CUX1: variants seen among roughly 807,000 people sequenced by gnomAD.
The protein encoded by CUX1 is protein CASP.
In CUX1, 31 loss-of-function variants were observed where a neutral mutation model predicts 158.8. The observed-to-expected ratio is 0.20, with a 90% CI of 0.15 to 0.26. The LOEUF is 0.26. Among genes scored for constraint, CUX1 ranks in the 10% least tolerant of loss-of-function variants. The probability of loss-of-function intolerance (pLI) is 1.00; values close to 1 mark genes in which losing one functional copy is unlikely to be tolerated. For missense variants in CUX1, 1,589 were observed against 2,014.6 expected (o/e 0.79, Z 4.04); for synonymous variants, 879 against 862.1 (o/e 1.02, Z -0.34).
intron 14 of CUX1, chr7:102,264,826 G>C (rs1790682608): frequency 6.6e-6 from 1 of 152,664 alleles, no homozygotes; most frequent in Non-Finnish European, 1.5e-5. Flanking sequence ...CTGGCAGCCA[G>C]GGAACTTAGA....
At chr7:102,039,902 TGA>T (rs1205644995) in intron 3 of CUX1, among the ~76,000 whole-genome samples, 1 of 152,126 alleles carries the variant, frequency 6.6e-6, no homozygotes, top group African/African-American at 2.4e-5. Flanking sequence ...TGACATGGCC[TGA>T]GGGAGGGACC....
intron 8 of CUX1, among the ~76,000 whole-genome samples, chr7:102,138,034 AATTAGCTGGGCATGGTGGTGCTC>A (rs1450135815): frequency 6.6e-6 from 1 of 151,944 alleles, no homozygotes; most frequent in East Asian, 1.9e-4. Context: ...AAAAGTTAAA[AATTAGCTGGGCATGGTGGTGCTC>A]ACTGTAGTCT....
At chr7:101,929,379 T>A (rs1806032813) in intron 2 of CUX1, among the ~76,000 whole-genome samples, 1 of 152,330 alleles carries the variant, frequency 6.6e-6, no homozygotes, top group East Asian at 1.9e-4. Flanking sequence ...GCTGCTGGAC[T>A]TTCTTTTTTG....
intron 2 of CUX1, among the ~76,000 whole-genome samples, chr7:101,967,593 G>A (rs1043701989): frequency 5.3e-5 from 8 of 152,184 alleles, no homozygotes; most frequent in African/African-American, 9.7e-5. Flanking sequence ...GCATGTATGC[G>A]TCAATGGTGA....
At chr7:101,893,891 A>G (rs1801186840) in intron 1 of CUX1, among the ~76,000 whole-genome samples, 1 of 152,244 alleles carries the variant, frequency 6.6e-6, no homozygotes, top group Non-Finnish European at 1.5e-5. Flanking sequence ...TTTATACGGC[A>G]TTAAAACACT....
chr7:101,953,054 C>G (rs904893004), intron 2 of CUX1, among the ~76,000 whole-genome samples: 2 of 152,192 alleles, frequency 1.3e-5, no homozygotes, highest in African/African-American at 4.8e-5. Context: ...TTCTGGCCGC[C>G]CTGCCCGCTC....
chr7:102,145,288 T>C lies in CUX1; in HGVS notation c.675-13272T>C, dbSNP rs75151662. 2.6e-4 allele frequency among the ~76,000 whole-genome samples: 39 copies of C among 152,050 alleles called. No individual in the cohort carries two copies. The East Asian group carries it at 7.4e-3, about 29-fold the overall frequency. Reference sequence around the variant, plus strand: ...CACCCCACTGCTGAGATTTTACTGATTGCCTCCCCAGAAATAGTTTATCAT... The same window carrying C: ...CACCCCACTGCTGAGATTTTACTGACTGCCTCCCCAGAAATAGTTTATCAT... On this transcript the variant is annotated intron_variant, in intron 8 of 23. Coordinates refer to ENST00000292535, the MANE Select transcript of CUX1 (RefSeq NM_181552.4).
At chr7:102,047,482 T>G (rs1822953538) in intron 3 of CUX1, among the ~76,000 whole-genome samples, 1 of 145,056 alleles carries the variant, frequency 6.9e-6, no homozygotes, top group Non-Finnish European at 1.5e-5. Context: ...TATGGATGGA[T>G]GAAGGGAGAG....
rs1448918997 is a variant in CUX1 at position 102,256,679 on chromosome 7, G to A, written c.*7637G>A. 1 of 985,332 alleles carries A rather than the reference G, an allele frequency of 1.0e-6. No individual in the cohort carries two copies. Among genetic ancestry groups the A allele is most frequent in the Admixed American group, 6.1e-5 (1 of 16,266 alleles). 61.0% of individuals were successfully genotyped at this position (985,332 alleles called of 1,614,324 possible). On this transcript the variant is annotated 3_prime_UTR_variant, in exon 24 of 24. Coordinates refer to ENST00000292535, the MANE Select transcript of CUX1 (RefSeq NM_181552.4). ...AAGAATGCTCGCTTGAGGAGCTTCAGAGGAATCTTAGCAAAGCCAAGTTCA... is the reference window on the plus strand; with the variant it reads ...AAGAATGCTCGCTTGAGGAGCTTCAAAGGAATCTTAGCAAAGCCAAGTTCA...
At chr7:102,228,656 G>A (rs1462617373) in intron 21 of CUX1, among the ~76,000 whole-genome samples, 7 of 152,186 alleles carry the variant, frequency 4.6e-5, no homozygotes, top group African/African-American at 9.6e-5. Flanking sequence ...AAAATTAGCC[G>A]GGTATGGTGG....
chr7:101,880,852 C>G (rs967564136), intron 1 of CUX1, among the ~76,000 whole-genome samples: 1 of 152,226 alleles, frequency 6.6e-6, no homozygotes, highest in Non-Finnish European at 1.5e-5. Context: ...CCAGGCCCCC[C>G]ACCCCCAGGT....
Position 102,257,886 on chromosome 7 carries a change from A to C in CUX1, c.*8844A>C. On this transcript the variant is annotated 3_prime_UTR_variant, in exon 24 of 24. Coordinates refer to ENST00000292535, the MANE Select transcript of CUX1 (RefSeq NM_181552.4). ...TTGACCAAAAAAGAAAAAAGGAAAAAAAAAAAGTCGTCTTTTTTTTTTTTT... is the reference window on the plus strand; with the variant it reads ...TTGACCAAAAAAGAAAAAAGGAAAACAAAAAAGTCGTCTTTTTTTTTTTTT... The C allele has an allele frequency of 2.0e-6, 2 of 984,488 alleles. No individual in the cohort carries two copies. The highest frequency in any genetic ancestry group is 2.4e-6 in the Non-Finnish European group (2 of 829,640). The allele number at this position is 984,488 out of a possible 1,614,324, so 61.0% of individuals were successfully genotyped here.
At chr7:102,245,853 T>C (rs1554536685) in intron 23 of CUX1, among the ~76,000 whole-genome samples, 2 of 151,628 alleles carry the variant, frequency 1.3e-5, no homozygotes, top group Non-Finnish European at 2.9e-5. Context: ...GTACCTGTAG[T>C]CCCAGCTATT....
Position 101,909,010 on chromosome 7 carries a change from C to T in CUX1, c.31-7105C>T, listed in dbSNP as rs138637819. ...GCTGTAATCCCAGCACTTAGGGAGG[C>T]TGAGGTGGGAGGATCACTTGAGGCC... is the stretch of plus-strand genomic sequence containing the variant. On this transcript the variant is annotated intron_variant, in intron 1 of 23. Transcript: ENST00000292535. Among the ~76,000 whole-genome samples, 97 of 152,284 alleles carry T rather than the reference C, an allele frequency of 6.4e-4. 1 individual carries two copies. The East Asian group carries it at 0.014, about 22-fold the overall frequency.
chr7:102,124,145 G>A (rs1832360140), intron 8 of CUX1, among the ~76,000 whole-genome samples: 1 of 152,182 alleles, frequency 6.6e-6, no homozygotes, highest in Non-Finnish European at 1.5e-5. Flanking sequence ...TGAAGGAAAT[G>A]GGTAACGGAC....
intron 1 of CUX1, among the ~76,000 whole-genome samples, chr7:101,898,420 C>T (rs1459761497): frequency 6.6e-6 from 1 of 152,092 alleles, no homozygotes; most frequent in Non-Finnish European, 1.5e-5. Flanking sequence ...AACTGGCAGC[C>T]GCCGGGACGG....
intron 4 of CUX1, among the ~76,000 whole-genome samples, chr7:102,078,798 T>G (rs782784586): frequency 2.0e-5 from 3 of 152,000 alleles, no homozygotes; most frequent in Non-Finnish European, 4.4e-5. Flanking sequence ...AAGAGTGCAT[T>G]TGTAGGCCAT....
At chr7:102,275,393 G>A in intron 17 of CUX1, 1 of 1,544,398 alleles carries the variant, frequency 6.5e-7, no homozygotes, top group Non-Finnish European at 8.9e-7. Context: ...GATGCTCCTT[G>A]GGCCCAAGGA....
chr7:102,231,222 G>A (rs1335581082), intron 21 of CUX1, among the ~76,000 whole-genome samples: 1 of 152,026 alleles, frequency 6.6e-6, no homozygotes, highest in Non-Finnish European at 1.5e-5. Context: ...AGTAGAGACG[G>A]GGTTTCACTG....
Sources: allele counts gnomAD v4.1 joint callset (sites outside exome capture counted in the v4.1 genomes callset), GRCh38; gene constraint gnomAD v4.1.1; transcripts MANE v1.5; gene names NCBI Gene and HGNC (gene_info 2026-07-23, HGNC 2026-07-21).